FYN: variants seen among roughly 807,000 people sequenced by gnomAD.
The protein encoded by FYN is tyrosine-protein kinase Fyn.
A neutral mutation model predicts 70.2 loss-of-function variants in FYN; 10 were observed. That is an observed-to-expected ratio of 0.14 (90% CI 0.09 to 0.24). FYN has a LOEUF of 0.24. Ranked by LOEUF, FYN falls within the 10% of genes least tolerant of loss-of-function variation. The probability of loss-of-function intolerance (pLI) is 1.00; values close to 1 mark genes in which losing one functional copy is unlikely to be tolerated. For missense variants in FYN, 319 were observed against 673.1 expected, an observed-to-expected ratio of 0.47 and a Z score of 5.82; for synonymous variants, 236 against 248.6, an observed-to-expected ratio of 0.95 and a Z score of 0.48.
chr6:111,860,936 T>C (rs1773945547), intron 1 of FYN, among the ~76,000 whole-genome samples: 1 of 152,218 alleles, frequency 6.6e-6, no homozygotes, highest in Non-Finnish European at 1.5e-5. Context: ...ATCTATGCTT[T>C]GGCCCTAACG....
intron 3 of FYN, among the ~76,000 whole-genome samples, chr6:111,770,884 TACCTCC>T (rs1803424791): frequency 1.3e-5 from 2 of 152,122 alleles, no homozygotes; most frequent in Non-Finnish European, 1.5e-5. Flanking sequence ...ATGACCCAAA[TACCTCC>T]CAACACCGCC....
intron 2 of FYN, among the ~76,000 whole-genome samples, chr6:111,803,350 G>A (rs1772048758): frequency 6.6e-6 from 1 of 151,956 alleles, no homozygotes; most frequent in African/African-American, 2.4e-5. Flanking sequence ...GCTTGACTGT[G>A]GAAGTAAGGT....
intron 2 of FYN, among the ~76,000 whole-genome samples, chr6:111,825,692 C>A (rs930938989): frequency 6.6e-6 from 1 of 152,132 alleles, no homozygotes; most frequent in Non-Finnish European, 1.5e-5. Flanking sequence ...TTGCCCTGAC[C>A]TGTTTGGGGG....
chr6:111,736,420 A>G (rs1463850280), intron 3 of FYN, among the ~76,000 whole-genome samples: 1 of 152,232 alleles, frequency 6.6e-6, no homozygotes, highest in Non-Finnish European at 1.5e-5. Flanking sequence ...TCCACCAGCA[A>G]GAGTCATCAA....
intron 2 of FYN, among the ~76,000 whole-genome samples, chr6:111,821,446 ACT>A (rs1772659417): frequency 6.6e-6 from 1 of 152,212 alleles, no homozygotes. Context: ...GAGAGCTGAA[ACT>A]GGATCCTTTC....
intron 2 of FYN, among the ~76,000 whole-genome samples, chr6:111,831,334 G>A (rs1396892312): frequency 6.6e-6 from 1 of 151,998 alleles, no homozygotes; most frequent in African/African-American, 2.4e-5. Flanking sequence ...ACAAAATTTG[G>A]TATAATAATC....
At chr6:111,735,021 A>G (rs1189040060) in intron 3 of FYN, among the ~76,000 whole-genome samples, 1 of 152,252 alleles carries the variant, frequency 6.6e-6, no homozygotes, top group African/African-American at 2.4e-5. Context: ...CATCCAGGTC[A>G]GCAATTGAGA....
At chr6:111,700,487 A>G (rs961164708) in intron 8 of FYN, among the ~76,000 whole-genome samples, 1 of 152,210 alleles carries the variant, frequency 6.6e-6, no homozygotes, top group African/African-American at 2.4e-5. Flanking sequence ...GGAAGATCAG[A>G]CGCCACACAC....
intron 3 of FYN, chr6:111,754,446 A>C (rs549781557): frequency 1.3e-5 from 2 of 152,348 alleles, no homozygotes; most frequent in African/African-American, 4.8e-5. Context: ...CATGTCGGCA[A>C]ATGAGAAGCA....
chr6:111,776,128 A>T (rs1583433332), intron 3 of FYN, among the ~76,000 whole-genome samples: 1 of 152,168 alleles, frequency 6.6e-6, no homozygotes, highest in African/African-American at 2.4e-5. Flanking sequence ...AGTCTCAGGT[A>T]TTAACAGAGA....
intron 2 of FYN, among the ~76,000 whole-genome samples, chr6:111,825,133 C>T (rs1474299806): frequency 6.6e-6 from 1 of 152,168 alleles, no homozygotes; most frequent in Non-Finnish European, 1.5e-5. Flanking sequence ...TCTTTTTGGA[C>T]TGCGGGCAGG....
At chr6:111,845,732 T>C (rs900619824) in intron 2 of FYN, among the ~76,000 whole-genome samples, 5 of 152,098 alleles carry the variant, frequency 3.3e-5, no homozygotes, top group African/African-American at 1.2e-4. Context: ...AGCTGAAAAG[T>C]TACACCCAAG....
chr6:111,842,602 C>T (rs1773396784), intron 2 of FYN, among the ~76,000 whole-genome samples: 1 of 152,212 alleles, frequency 6.6e-6, no homozygotes, highest in Admixed American at 6.5e-5. Context: ...CCCATGTAAA[C>T]ACTGCTGGCC....
chr6:111,736,615 G>C (rs1018104862), intron 3 of FYN, among the ~76,000 whole-genome samples: 3 of 152,090 alleles, frequency 2.0e-5, no homozygotes, highest in Non-Finnish European at 4.4e-5. Context: ...GTACACACAT[G>C]AAATAAGCCC....
intron 6 of FYN, among the ~76,000 whole-genome samples, chr6:111,707,038 T>G (rs1800123936): frequency 6.6e-6 from 1 of 152,220 alleles, no homozygotes; most frequent in Admixed American, 6.5e-5. Context: ...TAATCCCTCT[T>G]GCACTACTTA....
At chr6:111,843,327 C>T (rs895048371) in intron 2 of FYN, among the ~76,000 whole-genome samples, 2 of 152,122 alleles carry the variant, frequency 1.3e-5, no homozygotes, top group Non-Finnish European at 2.9e-5. Flanking sequence ...TAGCTTTTTA[C>T]ACAAAAAGCA....
At chr6:111,796,180 C>T (rs961227584) in intron 2 of FYN, among the ~76,000 whole-genome samples, 2 of 152,154 alleles carry the variant, frequency 1.3e-5, no homozygotes, top group African/African-American at 2.4e-5. Flanking sequence ...TGAGCTAGAG[C>T]TCTTGCCCAC....
Position 111,681,176 on chromosome 6 carries a change from C to T in FYN, c.1274-6546G>A, listed in dbSNP as rs139685679. On this transcript the variant is annotated intron_variant, in intron 12 of 13. Transcript: ENST00000354650. The stretch of plus-strand genomic sequence containing the variant: ...CTGAGTAGCTGGGACTATTGGTGCA[C>T]GCCACCATGCCTGGCTAATTTTTGT... Among the ~76,000 whole-genome samples, 1,282 of 152,088 alleles carry T rather than the reference C, an allele frequency of 8.4e-3. 16 individuals are homozygous for T. The highest frequency in any genetic ancestry group is 0.029 in the African/African-American group (1,207 of 41,472).
chr6:111,763,309 A>T (rs1192112251), intron 3 of FYN, among the ~76,000 whole-genome samples: 1 of 152,240 alleles, frequency 6.6e-6, no homozygotes, highest in Non-Finnish European at 1.5e-5. Flanking sequence ...GGACCCCCTG[A>T]AGCTATGTCA....
Sources: gnomAD v4.1 joint callset for allele counts (sites outside exome capture counted in the v4.1 genomes callset) on GRCh38, gnomAD v4.1.1 for gene constraint, MANE v1.5 for transcripts, NCBI Gene and HGNC (gene_info 2026-07-23, HGNC 2026-07-21) for gene names.